SSBP3: variants seen among roughly 807,000 people sequenced by gnomAD.
SSBP3 encodes single-stranded DNA-binding protein 3.
Under a neutral mutation model 69.6 loss-of-function variants are expected in SSBP3, and 5 were observed. The ratio of observed to expected loss-of-function variants is 0.07; its 90% CI spans 0.04 to 0.15. SSBP3 has a LOEUF of 0.15. SSBP3 is among the 10% of genes least tolerant of loss of function. The pLI, the probability that SSBP3 is intolerant of heterozygous loss-of-function variation, is 1.00. For missense variants in SSBP3, 312 were observed against 534.0 expected, an observed-to-expected ratio of 0.58 and a Z score of 4.10; for synonymous variants, 196 against 193.4, an observed-to-expected ratio of 1.01 and a Z score of -0.11.
intron 4 of SSBP3, among the ~76,000 whole-genome samples, chr1:54,392,974 T>C (rs530613894): frequency 2.6e-5 from 4 of 152,326 alleles, no homozygotes; most frequent in Admixed American, 2.0e-4. Flanking sequence ...GGCAGCCACA[T>C]TCCAGGCTAG....
chr1:54,258,174 G>A lies in SSBP3; in HGVS notation c.367-25C>T. 5.8e-6 allele frequency: 9 copies of A among 1,550,180 alleles called. No homozygotes were observed. The highest frequency in any genetic ancestry group is 7.8e-6 in the Non-Finnish European group (9 of 1,148,468). On this transcript the variant is annotated intron_variant, in intron 5 of 17. Coordinates refer to ENST00000610401, the Ensembl canonical transcript of SSBP3. This position sits in a 1 kb window ranked among gnomAD's most constrained non-coding sequence, Gnocchi z 4.5. ...CCTGTGAGGCCAGACAGTAGAGGCA[G>A]GTTATAGATCACAGCACATGGAGAA...
chr1:54,277,836 T>G (rs1262727276), intron 5 of SSBP3, among the ~76,000 whole-genome samples: 1 of 151,842 alleles, frequency 6.6e-6, no homozygotes, highest in African/African-American at 2.4e-5. Flanking sequence ...GTGTCCCCCT[T>G]AAGGGGGAAC....
In SSBP3 at chr1:54,404,646, G is replaced by A. The variant is rs755354174; in HGVS notation, c.130-9C>T. Reference sequence around the variant, plus strand: ...TTTTTTTCCCATCGAATCTGGAAAGGTAAGAGCAGAAGCAGCTTAGAGGAG... The same window carrying A: ...TTTTTTTCCCATCGAATCTGGAAAGATAAGAGCAGAAGCAGCTTAGAGGAG... On this transcript the variant is annotated splice_polypyrimidine_tract_variant and intron_variant, in intron 2 of 17. Coordinates refer to ENST00000610401, the Ensembl canonical transcript of SSBP3. The A allele has an allele frequency of 6.2e-7, 1 of 1,613,950 alleles. No homozygotes were observed. The highest frequency in any genetic ancestry group is 1.1e-5 in the South Asian group (1 of 91,080).
At position 54,386,683 on chromosome 1, in the gene SSBP3, C is replaced by CTTT. The variant is rs58429798; in HGVS notation, c.276+15175_276+15177dup. Among the ~76,000 whole-genome samples the CTTT allele has an allele frequency of 7.4e-4, 56 of 76,074 alleles. 9 individuals are homozygous for CTTT. Among genetic ancestry groups the CTTT allele is most frequent in the African/African-American group, 1.5e-3 (22 of 14,582 alleles). The allele number at this position is 76,074 out of a possible 152,430, so 49.9% of individuals were successfully genotyped here. A position where few individuals can be genotyped will look rare whatever the true frequency, so the allele number is the denominator to read the frequency against. On this transcript the variant is annotated intron_variant, in intron 4 of 17. Transcript: ENST00000610401. Reference sequence around the variant, plus strand: ...ATCCACAATGTATAAACTGATCCTACTTTTTTTTTTTTTTTTTTTTTAAGA... The same window carrying CTTT: ...ATCCACAATGTATAAACTGATCCTACTTTTTTTTTTTTTTTTTTTTTTTTAAGA...
In SSBP3 at chr1:54,238,932, C is replaced by T. The variant is rs772425277; in HGVS notation, c.927+197G>A. ...CCAGAGGGTGGGCATCGTCCCACCC[C>T]TTCCTCTCCCACCCCCTGCCGCCCA... On this transcript the variant is annotated intron_variant, in intron 14 of 17. Coordinates refer to ENST00000610401, the Ensembl canonical transcript of SSBP3. 3.4e-4 allele frequency: 137 copies of T among 398,790 alleles called. 4 individuals carry two copies. Among genetic ancestry groups the T allele is most frequent in the Middle Eastern group, 2.5e-3 (3 of 1,182 alleles). The allele number at this position is 398,790 out of a possible 1,614,324, so 24.7% of individuals were successfully genotyped here. A position where few individuals can be genotyped will look rare whatever the true frequency, so the allele number is the denominator to read the frequency against.
chr1:54,281,475 C>T, exon 5 of SSBP3: 1 of 1,569,238 alleles, frequency 6.4e-7, no homozygotes, highest in Non-Finnish European at 8.6e-7. Context: ...TCCCGGCATC[C>T]CATCGTTGGG....
At chr1:54,407,990 C>T (rs1230228797), upstream of SSBP3, among the ~76,000 whole-genome samples, 2 of 152,002 alleles carry the variant, frequency 1.3e-5, no homozygotes, top group Non-Finnish European at 2.9e-5. Context: ...AAGAAATGCC[C>T]CGCAGCAAAA....
chr1:54,243,141 G>C (rs759206722), intron 10 of SSBP3, 94 bp downstream of exon 10: 16 of 1,113,590 alleles, frequency 1.4e-5, no homozygotes, highest in Non-Finnish European at 2.2e-5. Context: ...AGAGGTACCA[G>C]CAATGACCCC....
chr1:54,384,888 T>G, intron 4 of SSBP3, among the ~76,000 whole-genome samples: 1 of 152,106 alleles, frequency 6.6e-6, no homozygotes, highest in East Asian at 1.9e-4. Flanking sequence ...TCTGCAGCAG[T>G]TTTCCAAGAG....
chr1:54,313,495 G>A (rs1342448224), intron 4 of SSBP3, among the ~76,000 whole-genome samples: 2 of 134,332 alleles, frequency 1.5e-5, no homozygotes, highest in Non-Finnish European at 3.1e-5. Context: ...CTATGTTGCC[G>A]AGGCTGGGTT....
chr1:54,234,411 G>C (rs1376525455), intron 14 of SSBP3, among the ~76,000 whole-genome samples: 1 of 151,196 alleles, frequency 6.6e-6, no homozygotes, highest in Non-Finnish European at 1.5e-5. Context: ...AACATAGTGA[G>C]ACCTCATCTC....
In SSBP3 at chr1:54,259,290, TA is replaced by T. The variant is rs201442998; in HGVS notation, c.367-1142del. Reference sequence around the variant, plus strand: ...ATTATCTCTTAAAAATCCGAGGTAATAAAAAAAAAAGTCAGAGAGCTTTGTG... The same window carrying T: ...ATTATCTCTTAAAAATCCGAGGTAATAAAAAAAAAGTCAGAGAGCTTTGTG... On this transcript the variant is annotated intron_variant, in intron 5 of 17. Transcript: ENST00000610401. Among the ~76,000 whole-genome samples, 72 of 148,520 alleles carry T rather than the reference TA, an allele frequency of 4.8e-4. 1 individual carries two copies. The highest frequency in any genetic ancestry group is 1.4e-3 in the African/African-American group (58 of 40,514).
intron 5 of SSBP3, among the ~76,000 whole-genome samples, chr1:54,275,118 G>C (rs1557485189): frequency 6.6e-6 from 1 of 152,186 alleles, no homozygotes; most frequent in African/African-American, 2.4e-5. Context: ...CCCCTTGAGG[G>C]CAGGGTCCGT....
chr1:54,409,077 T>C (rs1350095681), upstream of SSBP3, among the ~76,000 whole-genome samples: 1 of 152,134 alleles, frequency 6.6e-6, no homozygotes, highest in Non-Finnish European at 1.5e-5. Context: ...TGTGGTCAGA[T>C]CAGAAGCAAG....
intron 4 of SSBP3, among the ~76,000 whole-genome samples, chr1:54,370,687 T>TTC (rs1471968461): frequency 6.6e-6 from 1 of 152,138 alleles, no homozygotes; most frequent in Non-Finnish European, 1.5e-5. Flanking sequence ...CAGGAGATTG[T>TTC]TCTACAAAGT....
rs1490910543 is a variant in SSBP3, at chr1:54,403,528, T to C, written c.191+1048A>G. Among the ~76,000 whole-genome samples the C allele has an allele frequency of 2.0e-5, 3 of 152,092 alleles. No homozygotes were observed. In the East Asian group the frequency reaches 5.8e-4, roughly 29 times the overall value. On this transcript the variant is annotated intron_variant, in intron 3 of 17. Transcript: ENST00000610401. Reference sequence around the variant, plus strand: ...AGGTGGAATCCTTCCGCCACACAAATGCCTCCAAGACCGGCAGTTCCGAGG... The same window carrying C: ...AGGTGGAATCCTTCCGCCACACAAACGCCTCCAAGACCGGCAGTTCCGAGG...
intron 14 of SSBP3, among the ~76,000 whole-genome samples, chr1:54,231,653 C>CT (rs1249660320): frequency 1.3e-5 from 2 of 152,146 alleles, no homozygotes; most frequent in Non-Finnish European, 2.9e-5. Context: ...AGTTTCAGCT[C>CT]TAACATTTAG....
At chr1:54,286,446 G>C (rs1026591957) in intron 4 of SSBP3, 1 of 152,222 alleles carries the variant, frequency 6.6e-6, no homozygotes, top group Non-Finnish European at 1.5e-5. Context: ...ACTGCCTGAA[G>C]TTTGCCGTTC....
At chr1:54,328,298 A>G (rs1424334363) in intron 4 of SSBP3, among the ~76,000 whole-genome samples, 1 of 152,176 alleles carries the variant, frequency 6.6e-6, no homozygotes. Flanking sequence ...CATGTGCTGA[A>G]ATCAGGACTG....
Sources: gnomAD v4.1 joint callset for allele counts (sites outside exome capture counted in the v4.1 genomes callset) on GRCh38, gnomAD v4.1.1 for gene constraint, Gnocchi (gnomAD v3.1) non-coding constraint, MANE v1.5 for transcripts, NCBI Gene and HGNC (gene_info 2026-07-23, HGNC 2026-07-21) for gene names.